Variants in DIP2B observed in about 807,000 individuals in gnomAD.
DIP2B encodes DIP2 acetate--CoA ligase B (putative).
DIP2B carries 76 observed loss-of-function variants against 198.0 expected under a neutral mutation model. That is an observed-to-expected ratio of 0.38 (90% CI 0.32 to 0.46). The LOEUF is 0.46. DIP2B is among the 20% of genes least tolerant of loss of function. DIP2B has a pLI of 0.99. For synonymous variants in DIP2B, 701 were observed against 739.1 expected (o/e 0.95, Z 0.84); for missense variants, 1,559 against 1,978.4 (o/e 0.79, Z 4.02).
rs1169035443 is a variant in DIP2B at position 50,747,048 on chromosome 12, T to A, written c.*2209T>A. On this transcript the variant is annotated 3_prime_UTR_variant, in exon 38 of 38. Transcript: ENST00000301180. ...TGGTATTGATTTAAATATATTTTAT[T>A]TAACCCAATAGCTCAAAAACACTAT... The A allele has an allele frequency of 1.3e-5, 2 of 152,214 alleles. No homozygotes were observed. Among genetic ancestry groups the A allele is most frequent in the Non-Finnish European group, 2.9e-5 (2 of 68,030 alleles). 9.4% of individuals were successfully genotyped at this position (152,214 alleles called of 1,614,324 possible).
rs771246405 is a variant in DIP2B, at chr12:50,625,978, G to A, written c.103G>A (p.Asp35Asn). The change falls in exon 2 of 38, where the codon GAC becomes AAC. Residue 35 changes from aspartate (D) to asparagine (N), a missense_variant and splice_region_variant. Coordinates refer to ENST00000301180, the MANE Select transcript of DIP2B (RefSeq NM_173602.3). ...AELELELSEG[D>N]ITQKGYEKKR... is the part of the protein sequence containing the mutation. ...ATTTCTGTTTCTTGCTATTTTAGGG[G>A]ACATCACCCAGAAGGGCTATGAAAA... is the stretch of plus-strand genomic sequence containing the variant. 1.2e-6 allele frequency: 2 copies of A among 1,613,904 alleles called. No homozygotes were observed. Among genetic ancestry groups the A allele is most frequent in the South Asian group, 2.2e-5 (2 of 91,068 alleles).
intron 1 of DIP2B, among the ~76,000 whole-genome samples, chr12:50,519,324 C>A (rs757812983): frequency 2.0e-5 from 3 of 152,102 alleles, no homozygotes; most frequent in Non-Finnish European, 4.4e-5. Context: ...TCGCCTTAAA[C>A]TCCTGGGCTC....
At chr12:50,601,093 T>A (rs1436182043) in intron 1 of DIP2B, among the ~76,000 whole-genome samples, 1 of 152,164 alleles carries the variant, frequency 6.6e-6, no homozygotes, top group African/African-American at 2.4e-5. Flanking sequence ...ATAATCTGTT[T>A]ATCTGTTATG....
intron 1 of DIP2B, among the ~76,000 whole-genome samples, chr12:50,614,681 G>C (rs969954385): frequency 6.6e-6 from 1 of 152,210 alleles, no homozygotes. Context: ...CAGATAAATA[G>C]TTTGTAACAA....
chr12:50,656,210 A>G (rs1938551391), intron 3 of DIP2B, among the ~76,000 whole-genome samples: 1 of 152,194 alleles, frequency 6.6e-6, no homozygotes, highest in Non-Finnish European at 1.5e-5. Context: ...TGATCCACCA[A>G]AAGGGCTTAG....
chr12:50,611,712 T>C (rs997778264), intron 1 of DIP2B, among the ~76,000 whole-genome samples: 6 of 152,038 alleles, frequency 3.9e-5, no homozygotes, highest in African/African-American at 1.5e-4. Flanking sequence ...CCCCTGAACT[T>C]CCACCACCAC....
chr12:50,572,479 G>T (rs965863713), intron 1 of DIP2B, among the ~76,000 whole-genome samples: 4 of 152,136 alleles, frequency 2.6e-5, no homozygotes, highest in African/African-American at 7.2e-5. Flanking sequence ...GAATGCTTTC[G>T]CAACAACTTG....
intron 20 of DIP2B, among the ~76,000 whole-genome samples, chr12:50,705,717 G>T (rs1028784558): frequency 1.3e-5 from 2 of 152,210 alleles, no homozygotes; most frequent in African/African-American, 4.8e-5. Context: ...TGTTGGAAAT[G>T]GCTGCTTTTT....
intron 1 of DIP2B, among the ~76,000 whole-genome samples, chr12:50,576,665 T>C (rs922837253): frequency 6.6e-6 from 1 of 151,746 alleles, no homozygotes; most frequent in Non-Finnish European, 1.5e-5. Context: ...TTTTTTTTAG[T>C]AGAGACAGGG....
chr12:50,747,528 A>G lies in DIP2B; in HGVS notation c.*2689A>G, dbSNP rs1196948820. The G allele has an allele frequency of 1.3e-5, 2 of 152,208 alleles. No homozygotes were observed. Among genetic ancestry groups the G allele is most frequent in the Non-Finnish European group, 2.9e-5 (2 of 68,060 alleles). 9.4% of individuals were successfully genotyped at this position (152,208 alleles called of 1,614,324 possible). ...TTGCTTAGATGGTGTTTGTGGGATC[A>G]CCTGCAGATTTAAAGCCTACTCTGC... On this transcript the variant is annotated 3_prime_UTR_variant, in exon 38 of 38. Coordinates refer to ENST00000301180, the MANE Select transcript of DIP2B (RefSeq NM_173602.3).
In DIP2B at chr12:50,745,056, G is replaced by A; in HGVS notation, c.*217G>A. ...TTAACATTTGGTAGACATGTGCTTT[G>A]ACATAGCGTGAGCAGCACATTACTA... is the stretch of plus-strand genomic sequence containing the variant. On this transcript the variant is annotated 3_prime_UTR_variant, in exon 38 of 38. Coordinates refer to ENST00000301180, the MANE Select transcript of DIP2B (RefSeq NM_173602.3). 1 of 600,250 alleles carries A rather than the reference G, an allele frequency of 1.7e-6. No homozygotes were observed. Among genetic ancestry groups the A allele is most frequent in the Non-Finnish European group, 2.9e-6 (1 of 350,132 alleles). The allele number at this position is 600,250 out of a possible 1,614,324, so 37.2% of individuals were successfully genotyped here. A position where few individuals can be genotyped will look rare whatever the true frequency, so the allele number is the denominator to read the frequency against.
intron 20 of DIP2B, 106 bp downstream of exon 20, chr12:50,704,326 A>G: frequency 9.8e-7 from 1 of 1,017,078 alleles, no homozygotes; most frequent in Non-Finnish European, 1.4e-6. Context: ...TTACAGAACC[A>G]CTTCACTTAT....
intron 1 of DIP2B, among the ~76,000 whole-genome samples, chr12:50,623,433 ACACACTCTCTCTCTCTCT>A (rs1252632798): frequency 4.3e-5 from 2 of 46,772 alleles, no homozygotes; most frequent in African/African-American, 1.9e-4. Context: ...ACACACACAC[ACACACTCTCTCTCTCTCT>A]CTCTCTCTCT....
intron 1 of DIP2B, among the ~76,000 whole-genome samples, chr12:50,615,926 G>A (rs1194360300): frequency 6.6e-6 from 1 of 152,172 alleles, no homozygotes; most frequent in Admixed American, 6.5e-5. Flanking sequence ...GACACCTCAG[G>A]TCATTTGTAG....
rs534688298 is a variant in DIP2B, at chr12:50,605,843, T to G, written c.101-20133T>G. On this transcript the variant is annotated intron_variant, in intron 1 of 37. Transcript: ENST00000301180. The stretch of plus-strand genomic sequence containing the variant: ...TTTCTTTTCTTTCGTTTTTTTTAGA[T>G]GGAGTTTCACTCTTGTTGCCCAGGC... 8.5e-5 allele frequency among the ~76,000 whole-genome samples: 13 copies of G among 152,268 alleles called. 1 individual carries two copies. In the South Asian group the frequency reaches 2.7e-3, roughly 32 times the overall value.
chr12:50,623,227 T>C (rs1937849673), intron 1 of DIP2B, among the ~76,000 whole-genome samples: 1 of 151,234 alleles, frequency 6.6e-6, no homozygotes, highest in African/African-American at 2.4e-5. Flanking sequence ...TGAGAAAAAA[T>C]TTAAAAACTA....
rs369314346 is a variant in DIP2B at position 50,683,144 on chromosome 12, C to A, written c.1213C>A (p.Leu405Met). The change falls in exon 10 of 38, where the codon CTG becomes ATG. Residue 405 changes from leucine to methionine, a missense_variant. By Grantham distance (15) the Leu-to-Met change is conservative. Transcript: ENST00000301180. Reference sequence around the variant, plus strand: ...ATATCATTATGAATTTTAGGTAGCCCTGGTTTACCCCAACAATGATCCAGT... The same window carrying A: ...ATATCATTATGAATTTTAGGTAGCCATGGTTTACCCCAACAATGATCCAGT... ...PVLKPGDRVA[L>M]VYPNNDPVMF... 1.2e-6 allele frequency: 2 copies of A among 1,603,622 alleles called. No individual in the cohort carries two copies.
At chr12:50,623,392 T>TACACACAC (rs55689070) in intron 1 of DIP2B, among the ~76,000 whole-genome samples, 5 of 94,400 alleles carry the variant, frequency 5.3e-5, no homozygotes, top group African/African-American at 2.0e-4. Flanking sequence ...TATATGTATC[T>TACACACAC]ACACACACAC....
intron 19 of DIP2B, among the ~76,000 whole-genome samples, chr12:50,702,935 T>G (rs868666778): frequency 6.6e-6 from 1 of 152,030 alleles, no homozygotes; most frequent in Non-Finnish European, 1.5e-5. Context: ...TTTAAAAAAA[T>G]TTTTTTAAGT....
Sources: gnomAD v4.1 joint callset for allele counts (sites outside exome capture counted in the v4.1 genomes callset) on GRCh38, gnomAD v4.1.1 for gene constraint, MANE v1.5 for transcripts, NCBI Gene and HGNC (gene_info 2026-07-23, HGNC 2026-07-21) for gene names.